The following RNF128 variants were observed in gnomAD, a reference collection of about 807,000 sequenced individuals.
The protein encoded by RNF128 is E3 ubiquitin-protein ligase RNF128.
A neutral mutation model predicts 26.2 loss-of-function variants in RNF128; 13 were observed. The ratio of observed to expected loss-of-function variants is 0.50; its 90% CI spans 0.32 to 0.79. The LOEUF (loss-of-function observed/expected upper bound fraction) is 0.79, where lower values mean the gene tolerates loss of function less well. Among genes scored for constraint, RNF128 ranks in the 30% least tolerant of loss-of-function variants. The pLI, the probability that RNF128 is intolerant of heterozygous loss-of-function variation, is 0.03. For synonymous variants in RNF128, 149 were observed against 142.5 expected, an observed-to-expected ratio of 1.05 and a Z score of -0.32; for missense variants, 315 against 349.7, an observed-to-expected ratio of 0.90 and a Z score of 0.79.
chrX:106,787,731 C>A (rs1209576630), intron 3 of RNF128, among the ~76,000 whole-genome samples, 187 bp from the exon 4 acceptor site: 2 of 110,618 alleles, frequency 1.8e-5, no homozygotes, highest in African/African-American at 6.5e-5. Flanking sequence ...ATTCTTTTAC[C>A]TTTTTAAAGT....
In RNF128 at chrX:106,782,622, A is replaced by G. The variant is rs146793883; in HGVS notation, c.733-2443A>G. Among the ~76,000 whole-genome samples the G allele has an allele frequency of 9.2e-3, 1,038 of 112,247 alleles. 7 individuals are homozygous for G. The highest frequency in any genetic ancestry group is 0.014 in the Non-Finnish European group (743 of 53,268). ...TACTTTTTCAACCCTCCACTTGAGC[A>G]TCTCTAAAATGAGGATATTACCTTC... On this transcript the variant is annotated intron_variant, in intron 2 of 6. Transcript: ENST00000255499.
chrX:106,699,887 A>T (rs1163428767), intron 1 of RNF128, among the ~76,000 whole-genome samples: 1 of 111,173 alleles, frequency 9.0e-6, no homozygotes, highest in Non-Finnish European at 1.9e-5. Flanking sequence ...TACTCCATAT[A>T]CCAGTTTAAA....
At chrX:106,737,218 CT>C (rs1929615247) in intron 1 of RNF128, among the ~76,000 whole-genome samples, 1 of 110,596 alleles carries the variant, frequency 9.0e-6, no homozygotes, top group African/African-American at 3.3e-5. Flanking sequence ...AGTAGATTTT[CT>C]TTTTTTATTA....
chrX:106,698,327 C>G (rs147945537), intron 1 of RNF128, among the ~76,000 whole-genome samples: 1,503 of 110,157 alleles, frequency 0.014, 9 homozygotes, highest in Middle Eastern at 0.023. Context: ...TCAGCTGTGT[C>G]CAACGAAGTG....
At chrX:106,705,772 C>T (rs774177730) in intron 1 of RNF128, among the ~76,000 whole-genome samples, 1 of 111,993 alleles carries the variant, frequency 8.9e-6, no homozygotes, top group Non-Finnish European at 1.9e-5. Flanking sequence ...ACAGTAGTTA[C>T]ATCTGAGAAA....
At chrX:106,753,764 A>G (rs898131161) in intron 1 of RNF128, among the ~76,000 whole-genome samples, 2 of 112,201 alleles carry the variant, frequency 1.8e-5, no homozygotes, top group Admixed American at 1.9e-4. Context: ...GGAAAAAGAT[A>G]TTCCATGCAA....
intron 1 of RNF128, among the ~76,000 whole-genome samples, chrX:106,753,173 G>A (rs1029804357): frequency 1.2e-4 from 13 of 111,689 alleles, no homozygotes; most frequent in African/African-American, 4.2e-4. Context: ...CACTGTAGTT[G>A]TGGTGTGTGA....
chrX:106,783,947 A>G (rs1337613971), intron 2 of RNF128, among the ~76,000 whole-genome samples: 2 of 110,937 alleles, frequency 1.8e-5, no homozygotes, highest in African/African-American at 6.6e-5. Context: ...ATCCTCCTCC[A>G]TGACCCAAAT....
chrX:106,725,284 T>C (rs1164077729), upstream of RNF128, among the ~76,000 whole-genome samples: 2 of 111,866 alleles, frequency 1.8e-5, no homozygotes, highest in Non-Finnish European at 3.8e-5. Context: ...TAAGAGTATA[T>C]GTTTCACAAA....
chrX:106,700,385 C>T (rs1928939744), intron 1 of RNF128, among the ~76,000 whole-genome samples: 1 of 111,296 alleles, frequency 9.0e-6, no homozygotes, highest in Non-Finnish European at 1.9e-5. Context: ...TCCAGGAAGA[C>T]AGAGACCACG....
chrX:106,696,514 G>A (rs761820925), intron 1 of RNF128, among the ~76,000 whole-genome samples: 29 of 111,146 alleles, frequency 2.6e-4, no homozygotes, highest in Non-Finnish European at 4.5e-4. Context: ...CTTTTCACTC[G>A]TGTTTTGTTT....
At chrX:106,708,210 A>C (rs1301870497) in intron 1 of RNF128, among the ~76,000 whole-genome samples, 2 of 111,604 alleles carry the variant, frequency 1.8e-5, no homozygotes, top group African/African-American at 3.3e-5. Context: ...CCCCACAGCT[A>C]TTTGATGTCT....
At chrX:106,749,867 T>G (rs1457259848) in intron 1 of RNF128, among the ~76,000 whole-genome samples, 1 of 107,927 alleles carries the variant, frequency 9.3e-6, no homozygotes, top group Non-Finnish European at 1.9e-5. Flanking sequence ...ATCGTGCCAC[T>G]GCACTCCAGC....
rs1441892861 is a variant in RNF128 at position 106,726,726 on chromosome X, C to T, written c.-188C>T. ...GCGGTAGCGGAGAAGACTGGAGCTC[C>T]GAGGAGCTGCATCTGCGGCAACCTG... On this transcript the variant is annotated 5_prime_UTR_variant, in exon 1 of 7. Transcript: ENST00000255499. The T allele has an allele frequency of 1.9e-5, 20 of 1,041,207 alleles. No individual in the cohort carries two copies. The highest frequency in any genetic ancestry group is 2.4e-5 in the Non-Finnish European group (20 of 819,472). The allele number at this position is 1,041,207 out of a possible 1,213,427, so 85.8% of individuals were successfully genotyped here.
chrX:106,723,270 C>T (rs1327375689), upstream of RNF128, among the ~76,000 whole-genome samples: 1 of 111,780 alleles, frequency 8.9e-6, no homozygotes, highest in African/African-American at 3.3e-5. Context: ...AGTCCGTACG[C>T]TTTAATATAA....
intron 1 of RNF128, among the ~76,000 whole-genome samples, chrX:106,768,494 T>C (rs755558711): frequency 6.2e-5 from 7 of 112,182 alleles, no homozygotes; most frequent in African/African-American, 2.3e-4. Context: ...TTTTCTAGTT[T>C]ATTTGCGTAG....
chrX:106,776,226 T>G (rs1415397456), intron 2 of RNF128, among the ~76,000 whole-genome samples: 1 of 111,939 alleles, frequency 8.9e-6, no homozygotes, highest in Non-Finnish European at 1.9e-5. Flanking sequence ...ACCAAACATT[T>G]TCGGGTACCG....
intron 1 of RNF128, among the ~76,000 whole-genome samples, chrX:106,763,417 A>G (rs1374672595): frequency 8.9e-6 from 1 of 112,039 alleles, no homozygotes; most frequent in Non-Finnish European, 1.9e-5. Flanking sequence ...AGAACAGTGG[A>G]GGGGGAGCAG....
chrX:106,735,738 A>G (rs945025514), intron 1 of RNF128, among the ~76,000 whole-genome samples: 2 of 111,904 alleles, frequency 1.8e-5, no homozygotes, highest in Non-Finnish European at 3.8e-5. Context: ...GGCCTTTTGA[A>G]TATAGCTATC....
Sources: gnomAD v4.1 joint callset for allele counts (sites outside exome capture counted in the v4.1 genomes callset) on GRCh38, gnomAD v4.1.1 for gene constraint, MANE v1.5 for transcripts, NCBI Gene and HGNC (gene_info 2026-07-23, HGNC 2026-07-21) for gene names.